Variants in ENKUR observed in about 807,000 individuals in gnomAD.
The protein encoded by ENKUR is enkurin, TRPC channel interacting protein, also known as enkurin.
Under a neutral mutation model 27.6 loss-of-function variants are expected in ENKUR, and 19 were observed. That is an observed-to-expected ratio of 0.69 (90% CI 0.48 to 1.01). ENKUR has a LOEUF of 1.01. Among genes scored for constraint, ENKUR ranks in the 50% least tolerant of loss-of-function variants. The probability of loss-of-function intolerance (pLI) is 0.00; values close to 1 mark genes in which losing one functional copy is unlikely to be tolerated. For synonymous variants in ENKUR, 117 were observed against 96.9 expected (o/e 1.21, Z -1.22); for missense variants, 312 against 310.5 (o/e 1.00, Z -0.04).
chr10:24,988,328 A>C (rs1396482946), intron 4 of ENKUR, among the ~76,000 whole-genome samples: 1 of 145,334 alleles, frequency 6.9e-6, no homozygotes, highest in Non-Finnish European at 1.5e-5. Flanking sequence ...ATATATATTT[A>C]TATATGTGTA....
chr10:25,043,447 C>A lies in ENKUR; in HGVS notation c.37+17665G>T, dbSNP rs182716000. On this transcript the variant is annotated intron_variant, in intron 2 of 5. Transcript: ENST00000615958. Reference sequence around the variant, plus strand: ...AGTCATCATTTATACCTTTTCCCATCCTTGTTCCTGTGTATATAACATCTT... The same window carrying A: ...AGTCATCATTTATACCTTTTCCCATACTTGTTCCTGTGTATATAACATCTT... Among the ~76,000 whole-genome samples the A allele has an allele frequency of 1.0e-3, 153 of 152,152 alleles. 1 individual carries two copies. The highest frequency in any genetic ancestry group is 3.5e-3 in the African/African-American group (144 of 41,526).
At chr10:25,052,040 T>G (rs1397745358) in intron 2 of ENKUR, among the ~76,000 whole-genome samples, 1 of 152,252 alleles carries the variant, frequency 6.6e-6, no homozygotes, top group Non-Finnish European at 1.5e-5. Flanking sequence ...AATAACAATT[T>G]AAGCACCAAA....
intron 2 of ENKUR, among the ~76,000 whole-genome samples, chr10:25,057,937 TTA>T (rs143981638): frequency 0.03 from 4,507 of 152,000 alleles, 233 homozygotes; most frequent in African/African-American, 0.1. Flanking sequence ...AAAAGTAATT[TTA>T]TATATATATA....
chr10:24,994,954 G>T (rs759998616), intron 3 of ENKUR, among the ~76,000 whole-genome samples: 1 of 152,114 alleles, frequency 6.6e-6, no homozygotes, highest in Non-Finnish European at 1.5e-5. Context: ...CCGGAAGTTG[G>T]AAGTTGCAGT....
chr10:25,035,388 C>T (rs939991193), intron 2 of ENKUR, among the ~76,000 whole-genome samples: 5 of 152,140 alleles, frequency 3.3e-5, no homozygotes, highest in Non-Finnish European at 7.4e-5. Flanking sequence ...AACCCTGTCT[C>T]TACTAAAACT....
intron 3 of ENKUR, among the ~76,000 whole-genome samples, chr10:24,991,535 T>G (rs1046125939): frequency 6.6e-6 from 1 of 152,010 alleles, no homozygotes; most frequent in Admixed American, 6.6e-5. Flanking sequence ...GGCACCAGCA[T>G]GCCGGCAGGC....
chr10:25,022,264 G>A (rs1162702182), intron 2 of ENKUR, among the ~76,000 whole-genome samples: 1 of 152,080 alleles, frequency 6.6e-6, no homozygotes, highest in East Asian at 1.9e-4. Flanking sequence ...GAGCTTCTTT[G>A]GATGCCAGAA....
intron 3 of ENKUR, among the ~76,000 whole-genome samples, chr10:24,994,979 C>A (rs1411921297): frequency 6.6e-6 from 1 of 152,054 alleles, no homozygotes; most frequent in Non-Finnish European, 1.5e-5. Context: ...TGAGATTGCA[C>A]CATTGTACTC....
At chr10:25,026,303 A>G (rs1356314224) in intron 2 of ENKUR, 1 of 166,662 alleles carries the variant, frequency 6.0e-6, no homozygotes, top group Non-Finnish European at 1.5e-5. Context: ...GGTTAGGGTG[A>G]CGATGTTTGA....
intron 1 of ENKUR, among the ~76,000 whole-genome samples, chr10:24,999,796 G>T (rs1850148236): frequency 6.6e-6 from 1 of 152,124 alleles, no homozygotes; most frequent in Non-Finnish European, 1.5e-5. Context: ...TTGAACATCT[G>T]TAGCATCGAT....
chr10:24,993,053 G>A (rs1340846376), intron 3 of ENKUR, among the ~76,000 whole-genome samples: 2 of 152,172 alleles, frequency 1.3e-5, no homozygotes, highest in African/African-American at 4.8e-5. Flanking sequence ...CAGCACTTTG[G>A]GACAGCTAGG....
rs1564332758 is a variant in ENKUR at position 24,984,105 on chromosome 10, A to G, written c.*265T>C. The G allele has an allele frequency of 5.1e-6, 2 of 394,566 alleles. No homozygotes were observed. The highest frequency in any genetic ancestry group is 9.0e-6 in the Non-Finnish European group (2 of 221,682). 24.4% of individuals were successfully genotyped at this position (394,566 alleles called of 1,614,324 possible). A position where few individuals can be genotyped will look rare whatever the true frequency, so the allele number is the denominator to read the frequency against. Reference sequence around the variant, plus strand: ...CTTAATCATCCTCAATGATGCCTTTATAAGTTGTCATCTTGATTTTGTAAG... The same window carrying G: ...CTTAATCATCCTCAATGATGCCTTTGTAAGTTGTCATCTTGATTTTGTAAG... On this transcript the variant is annotated 3_prime_UTR_variant, in exon 6 of 6. Transcript: ENST00000331161.
Position 25,023,801 on chromosome 10 carries a change from A to G in ENKUR, c.38-27932T>C, listed in dbSNP as rs1001769294. 2.5e-6 allele frequency: 4 copies of G among 1,614,220 alleles called. No individual in the cohort carries two copies. In the South Asian group the frequency reaches 4.4e-5, roughly 18 times the overall value. ...TTACTTAAATTTAGAAGACAGTATT[A>G]TAAGAAGTGGTATGATGCTCGTGTT... On this transcript the variant is annotated intron_variant, in intron 2 of 5. Transcript: ENST00000615958.
At chr10:25,060,664 A>G (rs1392486627) in intron 2 of ENKUR, among the ~76,000 whole-genome samples, 1 of 152,126 alleles carries the variant, frequency 6.6e-6, no homozygotes, top group Admixed American at 6.5e-5. Context: ...TTGGCAGGGT[A>G]GACCCCACCC....
At chr10:25,059,149 T>TC (rs2130500206) in intron 2 of ENKUR, among the ~76,000 whole-genome samples, 1 of 146,122 alleles carries the variant, frequency 6.8e-6, no homozygotes, top group African/African-American at 2.5e-5. Flanking sequence ...TTTTTTTTTT[T>TC]TGAGAAGGAG....
intron 2 of ENKUR, among the ~76,000 whole-genome samples, chr10:25,047,977 C>T (rs1211077542): frequency 2.0e-5 from 3 of 152,142 alleles, no homozygotes; most frequent in Non-Finnish European, 2.9e-5. Flanking sequence ...TGTGGTTCCT[C>T]GTTCCTCACA....
rs1850030534 is a variant in ENKUR, at chr10:24,995,630, T to C, written c.447+16A>G. ...ATTTGAATTTCAGCCCTCTTATTAA[T>C]ATACCACAAGGCTACCTTTTTATTG... On this transcript the variant is annotated intron_variant, in intron 3 of 5. Transcript: ENST00000331161. The C allele has an allele frequency of 2.5e-6, 4 of 1,595,438 alleles. No homozygotes were observed. Among genetic ancestry groups the C allele is most frequent in the Non-Finnish European group, 3.4e-6 (4 of 1,170,768 alleles).
chr10:25,027,386 A>AAAAAAAAAAAAAG, intron 2 of ENKUR, among the ~76,000 whole-genome samples: 1 of 144,114 alleles, frequency 6.9e-6, no homozygotes, highest in East Asian at 2.0e-4. Flanking sequence ...AAAAAAAAAA[A>AAAAAAAAAAAAAG]ACTAGCCAGG....
chr10:24,995,481 T>A (rs1332221234), intron 3 of ENKUR, among the ~76,000 whole-genome samples, 165 bp downstream of exon 3: 1 of 152,232 alleles, frequency 6.6e-6, no homozygotes, highest in Admixed American at 6.5e-5. Flanking sequence ...TGTAACTTCA[T>A]CCCATTACAT....
Sources: gnomAD v4.1 joint callset for allele counts (sites outside exome capture counted in the v4.1 genomes callset) on GRCh38, gnomAD v4.1.1 for gene constraint, MANE v1.5 for transcripts, NCBI Gene and HGNC (gene_info 2026-07-23, HGNC 2026-07-21) for gene names.